Variants in PDZD9 observed in about 807,000 individuals in gnomAD.
PDZD9 encodes the protein PDZ domain-containing protein 9.
In PDZD9, 13 loss-of-function variants were observed where a neutral mutation model predicts 16.3. That is an observed-to-expected ratio of 0.80 (90% CI 0.52 to 1.27). The LOEUF is 1.27. PDZD9 is among the 50% of genes most tolerant of loss of function. PDZD9 has a pLI of 0.00. For synonymous variants in PDZD9, 120 were observed against 111.0 expected (o/e 1.08, Z -0.51); for missense variants, 288 against 310.9 (o/e 0.93, Z 0.55).
intron 3 of PDZD9, among the ~76,000 whole-genome samples, chr16:21,987,395 G>A (rs1898903849): frequency 3.9e-5 from 6 of 152,110 alleles, no homozygotes; most frequent in Admixed American, 3.9e-4. Context: ...ACTCCAGCCT[G>A]GGTGACAAGA....
At chr16:21,977,602 G>A in the PDZD9 span, among the ~76,000 whole-genome samples, 1 of 152,214 alleles carries the variant, frequency 6.6e-6, no homozygotes, top group Admixed American at 6.5e-5. Context: ...TTCATTAGTA[G>A]TTCGAGGGTT....
At chr16:21,981,653 C>G (rs1597971332), downstream of PDZD9, among the ~76,000 whole-genome samples, 1 of 151,460 alleles carries the variant, frequency 6.6e-6, no homozygotes, top group Non-Finnish European at 1.5e-5. Context: ...TACTCAGGAG[C>G]TCATGGGGCT....
chr16:21,984,167 GAGTCTAC>G lies in PDZD9; in HGVS notation c.*93_*99del. The G allele has an allele frequency of 3.2e-6, 4 of 1,263,864 alleles. No homozygotes were observed. The highest frequency in any genetic ancestry group is 3.3e-6 in the Non-Finnish European group (3 of 915,650). 78.3% of individuals were successfully genotyped at this position (1,263,864 alleles called of 1,614,324 possible). A position where few individuals can be genotyped will look rare whatever the true frequency, so the allele number is the denominator to read the frequency against. On this transcript the variant is annotated 3_prime_UTR_variant, in exon 4 of 4. Coordinates refer to ENST00000424898, the MANE Select transcript of PDZD9 (RefSeq NM_001363519.1). ...GCAGTCATAAGAGAAGAGAATTGGTGAGTCTACAGACAGTCCTTGATAAGTACAGCAA... is the reference window on the plus strand; with the variant it reads ...GCAGTCATAAGAGAAGAGAATTGGTGAGACAGTCCTTGATAAGTACAGCAA...
the PDZD9 span, chr16:21,971,748 G>C: frequency 7.6e-7 from 1 of 1,319,678 alleles, no homozygotes; most frequent in South Asian, 1.3e-5. Flanking sequence ...GATGGCTTGG[G>C]TGTTGTATTT....
At chr16:21,962,888 A>G in the PDZD9 span, 1 of 1,613,792 alleles carries the variant, frequency 6.2e-7, no homozygotes, top group Non-Finnish European at 8.5e-7. Context: ...GCAGACTCGT[A>G]AGTACATTTC....
chr16:21,985,161 C>T (rs577505798), intron 3 of PDZD9, among the ~76,000 whole-genome samples: 1 of 152,168 alleles, frequency 6.6e-6, no homozygotes, highest in African/African-American at 2.4e-5. Flanking sequence ...GTCACCCTTG[C>T]TGGAGTGCAG....
the PDZD9 span, chr16:21,976,387 C>A: frequency 1.5e-6 from 1 of 678,470 alleles, no homozygotes; most frequent in Non-Finnish European, 2.4e-6. Context: ...CATATCCTAC[C>A]ACCTAAAGAT....
At chr16:21,980,372 T>C, downstream of PDZD9, 1 of 692,514 alleles carries the variant, frequency 1.4e-6, no homozygotes. Context: ...CTTACTGTTT[T>C]AGTATGTTCC....
the PDZD9 span, chr16:21,971,572 A>G: frequency 1.2e-6 from 2 of 1,614,028 alleles, no homozygotes; most frequent in African/African-American, 2.7e-5. Context: ...GTTTCTCAAC[A>G]TGAGGGGTGG....
At chr16:22,000,825 AATGATGATGATGATG>A (rs10611346) in intron 1 of PDZD9, among the ~76,000 whole-genome samples, 177 bp downstream of exon 1, 215 of 140,590 alleles carry the variant, frequency 1.5e-3, no homozygotes, top group Non-Finnish European at 2.0e-3. Flanking sequence ...CTCCTTCTCA[AATGATGATGATGATG>A]ATGATGATGA....
At position 21,984,655 on chromosome 16, in the gene PDZD9, G is replaced by C; in HGVS notation, c.407C>G (p.Pro136Arg). The stretch of plus-strand genomic sequence containing the variant: ...ATCTTTTGCCAGCTCAATTTTCTTT[G>C]GTGTGCTGAAATGAAAAGAATAGTG... ...PEAKFPVTST[P>R]KKIELAKDES... Residue 136 changes from proline (P) to arginine (R), a missense_variant, in exon 4 of 4, where the codon CCA becomes CGA. By Grantham distance (103) the Pro-to-Arg change is moderately radical. Coordinates refer to ENST00000424898, the MANE Select transcript of PDZD9 (RefSeq NM_001363519.1). 2 of 1,499,444 alleles carry C rather than the reference G, an allele frequency of 1.3e-6. No homozygotes were observed. The highest frequency in any genetic ancestry group is 1.9e-4 in the Middle Eastern group (1 of 5,330). 92.9% of individuals were successfully genotyped at this position (1,499,444 alleles called of 1,614,324 possible).
chr16:21,994,072 C>G (rs909407081), intron 2 of PDZD9, among the ~76,000 whole-genome samples: 6 of 152,244 alleles, frequency 3.9e-5, no homozygotes, highest in South Asian at 2.1e-4. Context: ...TGGTGCACGC[C>G]TGAGTCCCAG....
At chr16:22,000,911 G>T (rs1899284516) in intron 1 of PDZD9, 106 bp downstream of exon 1, 2 of 1,119,102 alleles carry the variant, frequency 1.8e-6, no homozygotes, top group African/African-American at 1.5e-5. Flanking sequence ...ATGGAGAGAG[G>T]TTATCTCCCA....
At chr16:21,976,030 G>A in the PDZD9 span, 1 of 571,948 alleles carries the variant, frequency 1.7e-6, no homozygotes, top group African/African-American at 1.9e-5. Flanking sequence ...AGTGATGACA[G>A]CATTCCGCAT....
the PDZD9 span, chr16:21,976,102 TGTGTCA>T: frequency 9.1e-7 from 1 of 1,101,480 alleles, no homozygotes; most frequent in East Asian, 2.4e-5. Context: ...AGTAAAGAAG[TGTGTCA>T]GTGCTGCAGG....
At chr16:21,959,592 G>T in the PDZD9 span, 1 of 152,838 alleles carries the variant, frequency 6.5e-6, no homozygotes, top group Non-Finnish European at 1.5e-5. Flanking sequence ...CGTTAATGTT[G>T]ATACTTTGAC....
the PDZD9 span, chr16:21,971,472 A>G: frequency 5.7e-6 from 8 of 1,401,058 alleles, no homozygotes; most frequent in African/African-American, 4.3e-5. Flanking sequence ...ATATTTTACG[A>G]TTGTGTTTTA....
chr16:21,996,258 C>T (rs960616970), intron 2 of PDZD9, 64 bp downstream of exon 2: 19 of 1,450,920 alleles, frequency 1.3e-5, no homozygotes, highest in African/African-American at 9.9e-5. Context: ...CCCGGTGACC[C>T]GAGTCACCCT....
chr16:21,962,090 C>G, the PDZD9 span: 1 of 188,656 alleles, frequency 5.3e-6, no homozygotes, highest in Non-Finnish European at 1.1e-5. Context: ...CTCCCCTCCC[C>G]TCAGCCTTTG....
Sources: gnomAD v4.1 joint callset for allele counts (sites outside exome capture counted in the v4.1 genomes callset) on GRCh38, gnomAD v4.1.1 for gene constraint, MANE v1.5 for transcripts, NCBI Gene and HGNC (gene_info 2026-07-23, HGNC 2026-07-21) for gene names.